The following TSC2 variants were observed in gnomAD, a reference collection of about 807,000 sequenced individuals.
TSC2 encodes the protein TSC complex subunit 2.
A neutral mutation model predicts 202.2 loss-of-function variants in TSC2; 29 were observed. That is an observed-to-expected ratio of 0.14 (90% CI 0.11 to 0.20). TSC2 has a LOEUF of 0.20. Among genes scored for constraint, TSC2 ranks in the 10% least tolerant of loss-of-function variants. TSC2 has a pLI of 1.00. For missense variants in TSC2, 2,429 were observed against 2,420.0 expected (o/e 1.00, Z -0.08); for synonymous variants, 1,349 against 1,044.0 (o/e 1.29, Z -5.63).
intron 26 of TSC2, 98 bp downstream of exon 26, chr16:2,077,824 T>A (rs1168902230): frequency 2.5e-5 from 40 of 1,581,274 alleles, no homozygotes; most frequent in East Asian, 6.7e-5. Context: ...CCTCATCGTC[T>A]GCCCGTGTCC....
In TSC2 at chr16:2,080,305, A is replaced by G. The variant is rs751708490; in HGVS notation, c.3538A>G (p.Lys1180Glu). ...TGGCACCCGGGTTCCTGTGCAGGAG[A>G]AGACGAACCTGGCGGCCTATGTGCC... ...SAGTRVPVQE[K>E]TNLAAYVPLL... The change falls in exon 30 of 42, where the codon AAG becomes GAG. Residue 1180 changes from lysine (K) to glutamate (E), a missense_variant. Transcript: ENST00000219476. 13 of 1,612,696 alleles carry G rather than the reference A, an allele frequency of 8.1e-6. No individual in the cohort carries two copies. Among genetic ancestry groups the G allele is most frequent in the Non-Finnish European group, 1.0e-5 (12 of 1,180,004 alleles).
At chr16:2,084,791 A>G in intron 34 of TSC2, 76 bp downstream of exon 34, 7 of 1,598,180 alleles carry the variant, frequency 4.4e-6, no homozygotes, top group Non-Finnish European at 5.9e-6. Flanking sequence ...CCCCAGGCCG[A>G]GCGGGCTGGG....
At chr16:2,085,557 G>A (rs998937104) in intron 36 of TSC2, among the ~76,000 whole-genome samples, 1 of 152,230 alleles carries the variant, frequency 6.6e-6, no homozygotes, top group African/African-American at 2.4e-5. Flanking sequence ...GAAGGACTGG[G>A]CGGGTGGCAC....
At chr16:2,065,238 C>T in intron 15 of TSC2, 1 of 397,488 alleles carries the variant, frequency 2.5e-6, no homozygotes, top group Non-Finnish European at 4.8e-6. Context: ...ACGGTGAAAC[C>T]CCATCTCTAC....
intron 38 of TSC2, among the ~76,000 whole-genome samples, chr16:2,087,398 G>A (rs2090953274): frequency 6.7e-6 from 1 of 150,156 alleles, no homozygotes; most frequent in Non-Finnish European, 1.5e-5. Context: ...GGCAGCCACT[G>A]AACCAAAACC....
In TSC2 at chr16:2,056,263, C is replaced by T. The variant is rs1196860918; in HGVS notation, c.648+19C>T. The T allele has an allele frequency of 3.7e-6, 6 of 1,613,828 alleles. No homozygotes were observed. Among genetic ancestry groups the T allele is most frequent in the Non-Finnish European group, 5.1e-6 (6 of 1,180,030 alleles). ...CATAGAGGTCAGTGCCTCCCCTCCC[C>T]AGGGCCGGCCCATTTCACCCTGGTT... On this transcript the variant is annotated intron_variant, in intron 7 of 41. Coordinates refer to ENST00000219476, the MANE Select transcript of TSC2 (RefSeq NM_000548.5).
intron 4 of TSC2, 114 bp from the exon 5 acceptor site, chr16:2,054,182 G>A (rs1480113721): frequency 1.7e-5 from 27 of 1,543,522 alleles, no homozygotes; most frequent in Non-Finnish European, 2.3e-5. Context: ...CGCCTCTGTG[G>A]GAAGGAGAGG....
chr16:2,086,053 T>C (rs2090745229), intron 36 of TSC2, 140 bp from the exon 37 acceptor site: 3 of 960,902 alleles, frequency 3.1e-6, no homozygotes, highest in South Asian at 2.8e-5. Flanking sequence ...CTGGCCTGGG[T>C]GGCTGCTGGA....
At chr16:2,076,016 G>T (rs1375366754) in intron 23 of TSC2, 52 bp from the exon 24 acceptor site, 1 of 1,613,158 alleles carries the variant, frequency 6.2e-7, no homozygotes. Flanking sequence ...TTCATGCCCT[G>T]GGGATGTTTC....
chr16:2,078,625 A>G (rs111226163), intron 26 of TSC2: 63 of 320,246 alleles, frequency 2.0e-4, no homozygotes, highest in African/African-American at 1.3e-3. Flanking sequence ...GTGGAAGGCC[A>G]CATGGGGATC....
chr16:2,065,489 T>C (rs2151205181), intron 15 of TSC2, 30 bp from the exon 16 acceptor site: 8 of 1,565,730 alleles, frequency 5.1e-6, no homozygotes, highest in Non-Finnish European at 7.0e-6. Context: ...ACCATGAGCC[T>C]GTGTGTAAGT....
intron 32 of TSC2, chr16:2,083,114 C>T (rs555983703): frequency 7.7e-5 from 35 of 455,464 alleles, no homozygotes; most frequent in South Asian, 3.6e-4. Context: ...GTGGGGCGCC[C>T]GGGGGCTGTG....
At chr16:2,080,645 G>A (rs1251947732) in intron 30 of TSC2, 11 of 469,980 alleles carry the variant, frequency 2.3e-5, no homozygotes, top group Middle Eastern at 1.2e-3. Context: ...CACCACGCCT[G>A]GCCAATTTTT....
In TSC2 at chr16:2,079,245, C is replaced by A. The variant is rs2089816432; in HGVS notation, c.3132-31C>A. 6.2e-7 allele frequency: 1 copy of A among 1,612,946 alleles called. No homozygotes were observed. The highest frequency in any genetic ancestry group is 8.5e-7 in the Non-Finnish European group (1 of 1,180,024). On this transcript the variant is annotated intron_variant, in intron 27 of 41. Coordinates refer to ENST00000219476, the MANE Select transcript of TSC2 (RefSeq NM_000548.5). The surrounding 1 kb of genome is among the most constrained non-coding windows in gnomAD (Gnocchi z 4.6). ...GGCGGGCCTGCGGGAGCTCCACGGGCAAGCTGGGTTTCACGCTCCCTGTCT... is the reference window on the plus strand; with the variant it reads ...GGCGGGCCTGCGGGAGCTCCACGGGAAAGCTGGGTTTCACGCTCCCTGTCT...
At position 2,058,886 on chromosome 16, in the gene TSC2, C is replaced by T. The variant is rs200564575; in HGVS notation, c.975+13C>T. The T allele has an allele frequency of 5.9e-4, 951 of 1,605,668 alleles. 1 individual carries two copies. Among genetic ancestry groups the T allele is most frequent in the Non-Finnish European group, 6.7e-4 (785 of 1,176,466 alleles). On this transcript the variant is annotated intron_variant, in intron 10 of 41. Coordinates refer to ENST00000219476, the MANE Select transcript of TSC2 (RefSeq NM_000548.5). ...ATCATTTTACCAGGTAAGGCGGTTT[C>T]TGTGTGCAGTGAGCTGGCAGGAACG... is the stretch of plus-strand genomic sequence containing the variant.
intron 4 of TSC2, chr16:2,053,995 G>A: frequency 2.0e-6 from 1 of 489,958 alleles, no homozygotes; most frequent in South Asian, 2.0e-5. Flanking sequence ...AAGGCTGTCT[G>A]CCCTGCACCG....
At chr16:2,071,660 G>A (rs1203849411) in intron 18 of TSC2, 44 bp downstream of exon 18, 1 of 1,610,876 alleles carries the variant, frequency 6.2e-7, no homozygotes, top group Non-Finnish European at 8.5e-7. Context: ...CAGGGCGTCA[G>A]AGGCGCTGGG....
At position 2,086,493 on chromosome 16, in the gene TSC2, C is replaced by A; in HGVS notation, c.4849+114C>A. 26 of 1,463,674 alleles carry A rather than the reference C, an allele frequency of 1.8e-5. 1 individual carries two copies. The Middle Eastern group carries it at 3.3e-3, about 188-fold the overall frequency. The allele number at this position is 1,463,674 out of a possible 1,614,324, so 90.7% of individuals were successfully genotyped here. On this transcript the variant is annotated intron_variant, in intron 37 of 41. Transcript: ENST00000219476. The stretch of plus-strand genomic sequence containing the variant: ...GCCCTGGCACCCCCACCTGCTCCAG[C>A]TCCCCACGCCTCAGGTTCCGAGCCT...
Position 2,064,547 on chromosome 16 carries a change from C to T in TSC2, c.1599+120C>T. The T allele has an allele frequency of 4.0e-6, 6 of 1,483,764 alleles. No individual in the cohort carries two copies. In the South Asian group the frequency reaches 7.1e-5, roughly 18 times the overall value. 91.9% of individuals were successfully genotyped at this position (1,483,764 alleles called of 1,614,324 possible). On this transcript the variant is annotated intron_variant, in intron 15 of 41. Transcript: ENST00000219476. ...CGGATGGCTGTGTCCGTAGGTGAGG[C>T]TCCCCTCCCTGCAGGGTGGGTGTCC... is the stretch of plus-strand genomic sequence containing the variant.
Sources: gnomAD v4.1 joint callset for allele counts (sites outside exome capture counted in the v4.1 genomes callset) on GRCh38, gnomAD v4.1.1 for gene constraint, Gnocchi (gnomAD v3.1) non-coding constraint, MANE v1.5 for transcripts, NCBI Gene and HGNC (gene_info 2026-07-23, HGNC 2026-07-21) for gene names.